MBD1: variants seen among roughly 807,000 people sequenced by gnomAD.
The protein encoded by MBD1 is methyl-CpG-binding domain protein 1.
MBD1 carries 25 observed loss-of-function variants against 82.6 expected under a neutral mutation model. The ratio of observed to expected loss-of-function variants is 0.30; its 90% CI spans 0.22 to 0.42. The LOEUF (loss-of-function observed/expected upper bound fraction) is 0.42. Among genes scored for constraint, MBD1 ranks in the 10% least tolerant of loss-of-function variants. The pLI, the probability that MBD1 is intolerant of heterozygous loss-of-function variation, is 1.00. For synonymous variants in MBD1, 301 were observed against 303.7 expected (o/e 0.99, Z 0.09); for missense variants, 627 against 819.6 (o/e 0.76, Z 2.87).
intron 11 of MBD1, 25 bp from the exon 12 acceptor site, chr18:50,273,888 G>A (rs1315041265): frequency 5.0e-6 from 8 of 1,608,892 alleles, no homozygotes; most frequent in Non-Finnish European, 6.8e-6. Context: ...AGGGTGCTAT[G>A]GCTACCTGGT....
chr18:50,270,057 C>A, intron 16 of MBD1: 1 of 1,597,836 alleles, frequency 6.3e-7, no homozygotes, highest in Non-Finnish European at 8.5e-7. Context: ...GTCAAAATTA[C>A]CAGAATACTG....
chr18:50,270,269 A>G, intron 16 of MBD1: 1 of 977,154 alleles, frequency 1.0e-6, no homozygotes, highest in Non-Finnish European at 1.6e-6. Flanking sequence ...AAGGCAAGGG[A>G]GGCACACAGG....
Position 50,269,816 on chromosome 18 carries a change from A to C in MBD1, c.*35T>G. ...TTCCCTTCCCGAGTGCCTGCCCTGCAGACTTCAAGCTCCAGCATTAGATGC... is the reference window on the plus strand; with the variant it reads ...TTCCCTTCCCGAGTGCCTGCCCTGCCGACTTCAAGCTCCAGCATTAGATGC... On this transcript the variant is annotated splice_region_variant and 3_prime_UTR_variant, in exon 17 of 17. Transcript: ENST00000269468. 1 of 796,832 alleles carries C rather than the reference A, an allele frequency of 1.3e-6. No homozygotes were observed. The highest frequency in any genetic ancestry group is 2.3e-6 in the Non-Finnish European group (1 of 432,612). The allele number at this position is 796,832 out of a possible 1,614,324, so 49.4% of individuals were successfully genotyped here.
intron 11 of MBD1, 84 bp from the exon 12 acceptor site, chr18:50,273,947 C>G (rs2036698131): frequency 6.5e-7 from 1 of 1,532,288 alleles, no homozygotes; most frequent in Non-Finnish European, 9.0e-7. Flanking sequence ...GCCTGCTAAT[C>G]TCCCATCAGT....
intron 12 of MBD1, 46 bp downstream of exon 12, chr18:50,273,518 T>C (rs1303136419): frequency 1.2e-6 from 2 of 1,613,618 alleles, no homozygotes; most frequent in South Asian, 1.1e-5. Context: ...CTCCCTGGCA[T>C]GCAGCTGGGT....
chr18:50,271,047 G>A, intron 16 of MBD1: 1 of 1,019,244 alleles, frequency 9.8e-7, no homozygotes, highest in Non-Finnish European at 1.2e-6. Context: ...CCAAATAGCA[G>A]TTCCTTTCCT....
Position 50,275,051 on chromosome 18 carries a change from G to A in MBD1, c.910-6C>T, listed in dbSNP as rs781235422. The A allele has an allele frequency of 3.7e-6, 6 of 1,614,088 alleles. No individual in the cohort carries two copies. The highest frequency in any genetic ancestry group is 5.1e-6 in the Non-Finnish European group (6 of 1,179,936). On this transcript the variant is annotated splice_region_variant and splice_polypyrimidine_tract_variant and intron_variant, in intron 9 of 16. Coordinates refer to ENST00000269468, the MANE Select transcript of MBD1 (RefSeq NM_015846.4). ...GGGGCCAGGGCTCTGGGGTGCTGTA[G>A]AGGCAAATGGGGTGGGGTCAGGGCA...
In MBD1 at chr18:50,272,878, A is replaced by G; in HGVS notation, c.1662T>C (p.Asp554=). The G allele has an allele frequency of 6.2e-7, 1 of 1,614,188 alleles. No homozygotes were observed. Among genetic ancestry groups the G allele is most frequent in the Non-Finnish European group, 8.5e-7 (1 of 1,180,020 alleles). Residue 554 remains aspartate, a synonymous_variant, in exon 14 of 17, where the codon GAT becomes GAC. Coordinates refer to ENST00000269468, the MANE Select transcript of MBD1 (RefSeq NM_015846.4). ...CCTCTGGGGCCAATTTGGAGGCAGAATCATCCTTGTTCTCCTCCTTGTCCT... is the reference window on the plus strand; with the variant it reads ...CCTCTGGGGCCAATTTGGAGGCAGAGTCATCCTTGTTCTCCTCCTTGTCCT... ...PEEDKEENKD[D]SASKLAPEEE...
chr18:50,268,178 C>T (rs145606891), downstream of MBD1, among the ~76,000 whole-genome samples: 782 of 152,358 alleles, frequency 5.1e-3, 8 homozygotes, highest in African/African-American at 0.018. Context: ...ACCACCCCCA[C>T]CACACATCCT....
rs376456037 is a variant in MBD1 at position 50,271,465 on chromosome 18, T to C, written c.*32+4A>G. Reference sequence around the variant, plus strand: ...CTCTCATAAAGCCAGTCTGCAAATATCACCTTGAATCCTACAGTCTGTAGA... The same window carrying C: ...CTCTCATAAAGCCAGTCTGCAAATACCACCTTGAATCCTACAGTCTGTAGA... On this transcript the variant is annotated splice_donor_region_variant and intron_variant, in intron 16 of 16. Coordinates refer to ENST00000269468, the MANE Select transcript of MBD1 (RefSeq NM_015846.4). 6 of 1,614,044 alleles carry C rather than the reference T, an allele frequency of 3.7e-6. No homozygotes were observed. The highest frequency in any genetic ancestry group is 5.1e-6 in the Non-Finnish European group (6 of 1,180,034).
intron 13 of MBD1, 62 bp downstream of exon 13, chr18:50,273,272 C>T (rs2036387523): frequency 1.2e-6 from 2 of 1,603,118 alleles, no homozygotes; most frequent in African/African-American, 1.3e-5. Flanking sequence ...CATGGCTCAT[C>T]ATCACTCTGC....
At chr18:50,272,223 G>A (rs11872799) in intron 15 of MBD1, among the ~76,000 whole-genome samples, 99,878 of 151,888 alleles carry the variant, frequency 0.66, 33,432 homozygotes, top group East Asian at 0.79. Flanking sequence ...CCATACCACT[G>A]CCCAGGCAAG....
rs1304056568 is a variant in MBD1 at position 50,280,001 on chromosome 18, C to A, written c.-9G>T. 4 of 1,605,748 alleles carry A rather than the reference C, an allele frequency of 2.5e-6. No homozygotes were observed. The highest frequency in any genetic ancestry group is 1.7e-5 in the Admixed American group (1 of 59,946). On this transcript the variant is annotated 5_prime_UTR_variant, in exon 2 of 17. Coordinates refer to ENST00000269468, the MANE Select transcript of MBD1 (RefSeq NM_015846.4). ...AGCCAGTCCTCAGCCATGGAGGCCACAGGAAGCAGCAGTAGCCTGAAAGGG... is the reference window on the plus strand; with the variant it reads ...AGCCAGTCCTCAGCCATGGAGGCCAAAGGAAGCAGCAGTAGCCTGAAAGGG...
At chr18:50,272,986 G>A in intron 13 of MBD1, 31 bp from the exon 14 acceptor site, 2 of 1,613,830 alleles carry the variant, frequency 1.2e-6, no homozygotes, top group Non-Finnish European at 1.7e-6. Context: ...GCAACCATTA[G>A]AAGGGCAGAG....
chr18:50,272,850 C>T lies in MBD1; in HGVS notation c.1690G>A (p.Glu564Lys). 1 of 1,614,270 alleles carries T rather than the reference C, an allele frequency of 6.2e-7. No individual in the cohort carries two copies. The highest frequency in any genetic ancestry group is 8.5e-7 in the Non-Finnish European group (1 of 1,180,048). ...ACGGGTGTGCCAGCCCCTCCTGCCT[C>T]TTCCTCTGGGGCCAATTTGGAGGCA... ...DSASKLAPEE[E>K]AGGAGTPVIT... Residue 564 changes from glutamate to lysine, a missense_variant, in exon 14 of 17, where the codon GAG becomes AAG. Glu to Lys is a moderately conservative substitution (Grantham distance 56). This residue lies in a region of MBD1 where 265 missense variants were observed against 278.4 expected (regional missense o/e 0.95). Transcript: ENST00000269468.
At chr18:50,281,221 C>T (rs1359328927) in intron 1 of MBD1, 142 bp downstream of exon 1, 2 of 1,534,822 alleles carry the variant, frequency 1.3e-6, no homozygotes, top group East Asian at 2.4e-5. Flanking sequence ...CCCCATTTCT[C>T]CTCGTCAGTA....
rs111919633 is a variant in MBD1, at chr18:50,272,553, A to G, written c.1778+124T>C. 3,037 of 1,016,676 alleles carry G rather than the reference A, an allele frequency of 3.0e-3. 42 individuals are homozygous for G. The African/African-American group carries it at 0.041, about 14-fold the overall frequency. The allele number at this position is 1,016,676 out of a possible 1,614,324, so 63.0% of individuals were successfully genotyped here. ...ACGCCCCTCATTAATTGTGACCAGC[A>G]TAGTGGGTATGGGCCTTTACCTCCC... is the stretch of plus-strand genomic sequence containing the variant. On this transcript the variant is annotated intron_variant, in intron 15 of 16. Transcript: ENST00000269468.
chr18:50,276,782 C>T, intron 4 of MBD1, 38 bp from the exon 5 acceptor site: 1 of 1,613,778 alleles, frequency 6.2e-7, no homozygotes, highest in East Asian at 2.2e-5. Context: ...TCCAAGAGCA[C>T]CCCCAATCAC....
intron 16 of MBD1, chr18:50,270,505 G>A (rs1599216477): frequency 5.7e-6 from 2 of 353,136 alleles, no homozygotes; most frequent in Non-Finnish European, 1.1e-5. Flanking sequence ...CAGGGCAGGA[G>A]ATGCACGTTG....
Sources: allele counts gnomAD v4.1 joint callset (sites outside exome capture counted in the v4.1 genomes callset), GRCh38; gene constraint gnomAD v4.1.1; regional missense constraint gnomAD v4.1.1; transcripts MANE v1.5; gene names NCBI Gene and HGNC (gene_info 2026-07-23, HGNC 2026-07-21).